Variants in TMEM135 observed in about 807,000 individuals in gnomAD.
TMEM135 encodes transmembrane protein 135, also known as peroxisomal membrane protein 52.
In TMEM135, 30 loss-of-function variants were observed where a neutral mutation model predicts 60.3. The observed-to-expected ratio is 0.50, with a 90% CI of 0.37 to 0.68. The LOEUF is 0.68. TMEM135 is among the 30% of genes least tolerant of loss of function. TMEM135 has a pLI of 0.00. For synonymous variants in TMEM135, 190 were observed against 186.7 expected, an observed-to-expected ratio of 1.02 and a Z score of -0.14; for missense variants, 468 against 548.8, an observed-to-expected ratio of 0.85 and a Z score of 1.47.
intron 5 of TMEM135, among the ~76,000 whole-genome samples, chr11:87,225,293 A>C (rs1436045116): frequency 6.6e-6 from 1 of 152,124 alleles, no homozygotes; most frequent in Non-Finnish European, 1.5e-5. Context: ...TCATCTCTAA[A>C]GTAGGGGTAA....
chr11:87,287,118 A>T (rs1942180938), intron 6 of TMEM135, among the ~76,000 whole-genome samples: 1 of 152,200 alleles, frequency 6.6e-6, no homozygotes, highest in African/African-American at 2.4e-5. Context: ...ACTTTACTCC[A>T]ATTGAATAAT....
intron 7 of TMEM135, among the ~76,000 whole-genome samples, chr11:87,297,244 G>A (rs1002628665): frequency 3.3e-5 from 5 of 152,046 alleles, no homozygotes; most frequent in African/African-American, 7.2e-5. Context: ...TCCCAGCCAC[G>A]TATTGAAAAC....
At chr11:87,163,737 G>C (rs1273997360) in intron 5 of TMEM135, among the ~76,000 whole-genome samples, 31 of 147,712 alleles carry the variant, frequency 2.1e-4, no homozygotes, top group African/African-American at 7.8e-4. Flanking sequence ...ATTCTAACTG[G>C]TGTGAGATGG....
chr11:87,264,351 T>A (rs1327529698), intron 6 of TMEM135, among the ~76,000 whole-genome samples: 3 of 151,660 alleles, frequency 2.0e-5, no homozygotes, highest in Non-Finnish European at 4.4e-5. Flanking sequence ...TACTTTAATT[T>A]ATAATGTCTA....
At position 87,321,324 on chromosome 11, in the gene TMEM135, G is replaced by A. The variant is rs755850097; in HGVS notation, c.1368G>A (p.Glu456=). 20 of 1,613,454 alleles carry A rather than the reference G, an allele frequency of 1.2e-5. No homozygotes were observed. The highest frequency in any genetic ancestry group is 1.5e-5 in the Non-Finnish European group (18 of 1,179,652). ...YTTVTPELPT[E]FS Reference sequence around the variant, plus strand: ...CTGTAACACCAGAGTTGCCCACAGAGTTTTCCTGAAGATGACTGTAACTTA... The same window carrying A: ...CTGTAACACCAGAGTTGCCCACAGAATTTTCCTGAAGATGACTGTAACTTA... Residue 456 remains glutamate (E), a synonymous_variant, in exon 15 of 15, where the codon GAG becomes GAA. Transcript: ENST00000305494.
intron 5 of TMEM135, among the ~76,000 whole-genome samples, chr11:87,160,461 T>G (rs1182006926): frequency 6.6e-6 from 1 of 152,208 alleles, no homozygotes; most frequent in Non-Finnish European, 1.5e-5. Flanking sequence ...TCAGAGAAGT[T>G]AAACATTTTG....
chr11:87,239,952 T>A (rs1244789335), intron 6 of TMEM135, among the ~76,000 whole-genome samples: 2 of 152,136 alleles, frequency 1.3e-5, no homozygotes, highest in African/African-American at 4.8e-5. Context: ...TTATTTTACA[T>A]ATATTATCTC....
At chr11:87,152,843 G>A (rs1367092722) in intron 4 of TMEM135, among the ~76,000 whole-genome samples, 2 of 151,838 alleles carry the variant, frequency 1.3e-5, no homozygotes, top group Non-Finnish European at 2.9e-5. Flanking sequence ...TTCTTGATTT[G>A]CCTCATCAAG....
chr11:87,276,558 TTGTGTGTG>T (rs199780176), intron 6 of TMEM135, among the ~76,000 whole-genome samples: 2 of 148,790 alleles, frequency 1.3e-5, no homozygotes, highest in Non-Finnish European at 3.0e-5. Flanking sequence ...ATAAGAGTGT[TTGTGTGTG>T]TGTGTGTGTG....
At chr11:87,263,447 C>T (rs1941691252) in intron 6 of TMEM135, among the ~76,000 whole-genome samples, 6 of 152,086 alleles carry the variant, frequency 3.9e-5, no homozygotes, top group Admixed American at 3.9e-4. Context: ...TGCTTTGGCT[C>T]ATTATTTATC....
At chr11:87,043,306 G>A (rs967399643) in intron 1 of TMEM135, among the ~76,000 whole-genome samples, 2 of 151,774 alleles carry the variant, frequency 1.3e-5, no homozygotes, top group East Asian at 1.9e-4. Flanking sequence ...TGTGATATAC[G>A]GTAACAATGT....
intron 5 of TMEM135, among the ~76,000 whole-genome samples, chr11:87,169,883 C>T (rs1939182937): frequency 6.6e-6 from 1 of 152,012 alleles, no homozygotes; most frequent in African/African-American, 2.4e-5. Flanking sequence ...TGGGTAATAT[C>T]CTGAAGAGTG....
chr11:87,171,606 G>T (rs1939239146), intron 5 of TMEM135, among the ~76,000 whole-genome samples: 1 of 152,124 alleles, frequency 6.6e-6, no homozygotes, highest in Non-Finnish European at 1.5e-5. Flanking sequence ...ACAGTTTACT[G>T]AACTCCTCAC....
intron 5 of TMEM135, among the ~76,000 whole-genome samples, chr11:87,234,122 T>C (rs1382305882): frequency 2.0e-5 from 3 of 152,070 alleles, no homozygotes; most frequent in Non-Finnish European, 2.9e-5. Flanking sequence ...AGGGGCTCTA[T>C]GCATATGGTC....
rs541000870 is a variant in TMEM135 at position 87,239,930 on chromosome 11, GTT to G, written c.509+3251_509+3252del. 4.7e-4 allele frequency among the ~76,000 whole-genome samples: 71 copies of G among 152,060 alleles called. 1 individual carries two copies. Among genetic ancestry groups the G allele is most frequent in the African/African-American group, 1.5e-3 (63 of 41,500 alleles). On this transcript the variant is annotated intron_variant, in intron 6 of 14. Transcript: ENST00000305494. Reference sequence around the variant, plus strand: ...ACTTCCTTTTACATAGCTCTTAATAGTTTTTTAATAGTTATTTTACATATATT... The same window carrying G: ...ACTTCCTTTTACATAGCTCTTAATAGTTTTAATAGTTATTTTACATATATT...
At chr11:87,290,951 A>G (rs561641989) in intron 6 of TMEM135, among the ~76,000 whole-genome samples, 6 of 152,344 alleles carry the variant, frequency 3.9e-5, no homozygotes, top group East Asian at 3.9e-4. Flanking sequence ...ATGAGACTTT[A>G]TATTAGAAAA....
chr11:87,129,213 A>ATT (rs71040295), intron 4 of TMEM135, among the ~76,000 whole-genome samples: 1 of 116,272 alleles, frequency 8.6e-6, no homozygotes, highest in African/African-American at 3.3e-5. Context: ...TTATTCCTTA[A>ATT]TTTTTTTTTT....
chr11:87,322,374 C>A lies in TMEM135; in HGVS notation c.*1041C>A, dbSNP rs1289410172. 2 of 453,802 alleles carry A rather than the reference C, an allele frequency of 4.4e-6. No individual in the cohort carries two copies. Among genetic ancestry groups the A allele is most frequent in the Non-Finnish European group, 8.8e-6 (2 of 226,738 alleles). 28.1% of individuals were successfully genotyped at this position (453,802 alleles called of 1,614,324 possible). On this transcript the variant is annotated 3_prime_UTR_variant, in exon 15 of 15. Coordinates refer to ENST00000305494, the MANE Select transcript of TMEM135 (RefSeq NM_022918.4). ...AAGTCCATTTGTCACTAATTCCATT[C>A]AGGTTCTCCAACCTTCTTCTTGAAT...
At chr11:87,068,534 G>A (rs964897780) in intron 2 of TMEM135, among the ~76,000 whole-genome samples, 1 of 152,142 alleles carries the variant, frequency 6.6e-6, no homozygotes, top group African/African-American at 2.4e-5. Context: ...TTTCTGACCG[G>A]GCGCGGTGGC....
Sources: allele counts gnomAD v4.1 joint callset (sites outside exome capture counted in the v4.1 genomes callset), GRCh38; gene constraint gnomAD v4.1.1; transcripts MANE v1.5; gene names NCBI Gene and HGNC (gene_info 2026-07-23, HGNC 2026-07-21).